The following LOC400499 variants were observed in gnomAD, a reference collection of about 807,000 sequenced individuals.
the LOC400499 span, among the ~76,000 whole-genome samples, chr16:11,503,226 TC>T: frequency 0.035 from 5,370 of 151,914 alleles, 132 homozygotes; most frequent in Non-Finnish European, 0.052. Flanking sequence ...TTTCCAATAT[TC>T]CTAATAAAAA....
the LOC400499 span, chr16:11,462,475 G>C: frequency 1.0e-6 from 1 of 977,852 alleles, no homozygotes; most frequent in Non-Finnish European, 1.2e-6. Context: ...TGTCTCCCAA[G>C]CTGGAGTGCA....
the LOC400499 span, among the ~76,000 whole-genome samples, chr16:11,519,665 G>C: frequency 6.0e-5 from 9 of 150,238 alleles, no homozygotes; most frequent in Non-Finnish European, 1.3e-4. Flanking sequence ...TATGTTAAAT[G>C]AAAGAAGCCA....
chr16:11,420,008 A>G, the LOC400499 span, among the ~76,000 whole-genome samples: 1 of 150,478 alleles, frequency 6.6e-6, no homozygotes, highest in Non-Finnish European at 1.5e-5. Flanking sequence ...ACTGTAAACT[A>G]GTTCAACCAT....
chr16:11,465,731 G>A, the LOC400499 span, among the ~76,000 whole-genome samples: 15 of 150,146 alleles, frequency 1.0e-4, no homozygotes, highest in Non-Finnish European at 2.2e-4. Context: ...TACGATCACT[G>A]CACAGAATAA....
chr16:11,372,685 G>A, the LOC400499 span: 12 of 920,658 alleles, frequency 1.3e-5, no homozygotes, highest in Non-Finnish European at 1.6e-5. Context: ...TGCAGTAGAA[G>A]GTGAAGGAGT....
the LOC400499 span, chr16:11,460,836 G>A: frequency 3.1e-6 from 4 of 1,304,356 alleles, no homozygotes; most frequent in African/African-American, 4.5e-5. Context: ...CCTACTCAGA[G>A]CCAACAGAAT....
the LOC400499 span, chr16:11,385,033 C>A: frequency 4.1e-6 from 5 of 1,232,184 alleles, no homozygotes; most frequent in Non-Finnish European, 5.1e-6. Context: ...GACAACTGTC[C>A]CCCGGCAGGG....
At chr16:11,506,278 G>A in the LOC400499 span, among the ~76,000 whole-genome samples, 1 of 152,134 alleles carries the variant, frequency 6.6e-6, no homozygotes, top group African/African-American at 2.4e-5. Flanking sequence ...GCCCGCCTCA[G>A]CCTCCCAAAG....
the LOC400499 span, among the ~76,000 whole-genome samples, chr16:11,511,182 G>A: frequency 1.3e-5 from 2 of 152,016 alleles, no homozygotes; most frequent in African/African-American, 4.8e-5. Flanking sequence ...ATTTTTCACA[G>A]TGATGGGGTT....
chr16:11,451,416 C>T, the LOC400499 span, among the ~76,000 whole-genome samples: 195 of 152,176 alleles, frequency 1.3e-3, 2 homozygotes, highest in African/African-American at 4.5e-3. Context: ...CCCATCTCTA[C>T]AACAAATACA....
chr16:11,471,756 G>A, the LOC400499 span: 1 of 399,138 alleles, frequency 2.5e-6, no homozygotes, highest in South Asian at 1.3e-4. Flanking sequence ...AGAGCAGGTA[G>A]GGCTGGCCAG....
At chr16:11,396,644 C>A in the LOC400499 span, 22 of 1,232,096 alleles carry the variant, frequency 1.8e-5, no homozygotes, top group Non-Finnish European at 2.1e-5. Context: ...TCCACCCTGG[C>A]CCAGGGTGTG....
At chr16:11,506,876 G>A in the LOC400499 span, among the ~76,000 whole-genome samples, 7 of 152,308 alleles carry the variant, frequency 4.6e-5, no homozygotes, top group African/African-American at 1.2e-4. Flanking sequence ...CAGCCCTCCC[G>A]GGGGCCCAGG....
At chr16:11,508,830 G>T in the LOC400499 span, 1 of 399,112 alleles carries the variant, frequency 2.5e-6, no homozygotes, top group Non-Finnish European at 4.4e-6. Flanking sequence ...TTGGGGTCAT[G>T]TCTTCATCGT....
the LOC400499 span, among the ~76,000 whole-genome samples, chr16:11,508,159 G>C: frequency 6.6e-6 from 1 of 152,060 alleles, no homozygotes; most frequent in Non-Finnish European, 1.5e-5. Flanking sequence ...CATCTCTCTC[G>C]TGCTTTCCAT....
the LOC400499 span, among the ~76,000 whole-genome samples, chr16:11,485,279 G>T: frequency 3.3e-5 from 5 of 152,234 alleles, no homozygotes; most frequent in African/African-American, 1.2e-4. Flanking sequence ...ATGCCACACG[G>T]TAAGAATTCT....
the LOC400499 span, among the ~76,000 whole-genome samples, chr16:11,440,266 C>A: frequency 3.3e-5 from 5 of 152,178 alleles, no homozygotes; most frequent in African/African-American, 1.2e-4. Flanking sequence ...AACTACATTT[C>A]CTTTTCTTCC....
the LOC400499 span, among the ~76,000 whole-genome samples, chr16:11,437,544 G>A: frequency 6.6e-6 from 1 of 152,210 alleles, no homozygotes; most frequent in Non-Finnish European, 1.5e-5. Flanking sequence ...GGGTGACAGA[G>A]TAAGACCCTG....
chr16:11,465,520 C>T, the LOC400499 span: 3 of 152,014 alleles, frequency 2.0e-5, no homozygotes, highest in African/African-American at 7.3e-5. Context: ...AAGTTCCGTC[C>T]AGGTACCCTT....
Sources: gnomAD v4.1 joint callset for allele counts (sites outside exome capture counted in the v4.1 genomes callset) on GRCh38, gnomAD v4.1.1 for gene constraint, MANE v1.5 for transcripts.